Variants in XKR9 observed in about 807,000 individuals in gnomAD.
XKR9 encodes XK-related protein 9.
Under a neutral mutation model 32.0 loss-of-function variants are expected in XKR9, and 32 were observed. That is an observed-to-expected ratio of 1.00 (90% CI 0.76 to 1.34). The LOEUF is 1.34. Ranked by LOEUF, XKR9 falls within the 40% of genes most tolerant of loss-of-function variation. The pLI, the probability that XKR9 is intolerant of heterozygous loss-of-function variation, is 0.00. For synonymous variants in XKR9, 168 were observed against 143.4 expected, an observed-to-expected ratio of 1.17 and a Z score of -1.22; for missense variants, 546 against 429.7, an observed-to-expected ratio of 1.27 and a Z score of -2.39.
chr8:70,681,008 C>A lies in XKR9; in HGVS notation c.-51C>A. ...CTAATATTTGTTTGGCTTTTTTTCCCTTTTTGTGAGGGAGAAAAAAGTAGA... is the reference window on the plus strand; with the variant it reads ...CTAATATTTGTTTGGCTTTTTTTCCATTTTTGTGAGGGAGAAAAAAGTAGA... On this transcript the variant is annotated 5_prime_UTR_variant, in exon 3 of 5. Coordinates refer to ENST00000408926, the MANE Select transcript of XKR9 (RefSeq NM_001011720.2). The A allele has an allele frequency of 6.5e-7, 1 of 1,542,538 alleles. No individual in the cohort carries two copies. Among genetic ancestry groups the A allele is most frequent in the South Asian group, 1.3e-5 (1 of 78,458 alleles).
intron 2 of XKR9, among the ~76,000 whole-genome samples, chr8:70,781,436 G>A (rs1807614693): frequency 6.6e-6 from 1 of 150,738 alleles, no homozygotes; most frequent in African/African-American, 2.4e-5. Flanking sequence ...ATATTTATGG[G>A]ATACAGGGTG....
intron 2 of XKR9, among the ~76,000 whole-genome samples, chr8:70,774,801 A>T (rs962769222): frequency 2.6e-5 from 4 of 152,180 alleles, no homozygotes; most frequent in African/African-American, 4.8e-5. Flanking sequence ...AACTATAAAT[A>T]TTCAAATAAA....
chr8:70,908,234 A>G, the XKR9 span, among the ~76,000 whole-genome samples: 1 of 152,190 alleles, frequency 6.6e-6, no homozygotes, highest in African/African-American at 2.4e-5. Context: ...AATGTACCAG[A>G]TACAATGTGA....
chr8:70,903,766 G>A, the XKR9 span, among the ~76,000 whole-genome samples: 37 of 152,098 alleles, frequency 2.4e-4, no homozygotes, highest in African/African-American at 8.0e-4. Context: ...GCTTTATCTT[G>A]TGGGCATTTA....
the XKR9 span, among the ~76,000 whole-genome samples, chr8:70,911,886 AG>A: frequency 4.6e-5 from 7 of 152,144 alleles, no homozygotes; most frequent in African/African-American, 1.7e-4. Flanking sequence ...CACACAGTGC[AG>A]TAAAGGTTAT....
In XKR9 at chr8:70,778,172, G is replaced by A. The variant is rs912487096; in HGVS notation, n.353-11167G>A. On this transcript the variant is annotated intron_variant and non_coding_transcript_variant, in intron 2 of 3. Coordinates refer to the XKR9 transcript ENST00000520273. ...GATACAGTTTCAGCTTTCTACATATGGCTACCCAGTTTTCCATTTATTAAA... is the reference window on the plus strand; with the variant it reads ...GATACAGTTTCAGCTTTCTACATATAGCTACCCAGTTTTCCATTTATTAAA... 3.3e-5 allele frequency among the ~76,000 whole-genome samples: 5 copies of A among 152,236 alleles called. 1 individual carries two copies. In the South Asian group the frequency reaches 1.0e-3, roughly 32 times the overall value.
intron 2 of XKR9, among the ~76,000 whole-genome samples, chr8:70,754,988 G>A (rs949240491): frequency 1.1e-4 from 16 of 151,710 alleles, no homozygotes; most frequent in Non-Finnish European, 2.2e-4. Context: ...CCTACAAAAT[G>A]GGAGAAAATT....
chr8:70,965,644 T>G, the XKR9 span, among the ~76,000 whole-genome samples: 1 of 152,234 alleles, frequency 6.6e-6, no homozygotes, highest in East Asian at 1.9e-4. Flanking sequence ...ATTATTTGCC[T>G]ATTCAGGGAT....
At chr8:71,049,818 C>T in the XKR9 span, among the ~76,000 whole-genome samples, 1 of 151,982 alleles carries the variant, frequency 6.6e-6, no homozygotes, top group Non-Finnish European at 1.5e-5. Context: ...GCCTCCCAGG[C>T]AAGAGAAACA....
the XKR9 span, among the ~76,000 whole-genome samples, chr8:70,872,649 G>A: frequency 2.6e-5 from 4 of 152,070 alleles, no homozygotes; most frequent in African/African-American, 9.7e-5. Context: ...GTCTTGTTAG[G>A]GGCTAATGCA....
chr8:70,683,613 G>A (rs1819159715), intron 3 of XKR9: 1 of 434,444 alleles, frequency 2.3e-6, no homozygotes, highest in Non-Finnish European at 4.6e-6. Context: ...TCAGCTTCCT[G>A]AGTAGCTGGG....
chr8:70,967,797 T>C, the XKR9 span, among the ~76,000 whole-genome samples: 1 of 152,164 alleles, frequency 6.6e-6, no homozygotes, highest in East Asian at 1.9e-4. Context: ...TTTCTGCTTA[T>C]AGGTTCACTG....
At chr8:70,979,855 A>T in the XKR9 span, among the ~76,000 whole-genome samples, 3 of 152,210 alleles carry the variant, frequency 2.0e-5, no homozygotes, top group African/African-American at 7.2e-5. Flanking sequence ...GTTATGCCCT[A>T]CCCCCAAAGG....
intron 3 of XKR9, among the ~76,000 whole-genome samples, chr8:70,692,080 T>C (rs555446885): frequency 6.6e-6 from 1 of 152,302 alleles, no homozygotes; most frequent in South Asian, 2.1e-4. Context: ...CTTCTTTGAT[T>C]TCTTTGAGCA....
At chr8:71,053,929 C>G in the XKR9 span, among the ~76,000 whole-genome samples, 1 of 152,166 alleles carries the variant, frequency 6.6e-6, no homozygotes, top group African/African-American at 2.4e-5. Context: ...AATAAGTGCA[C>G]GAATCACATA....
chr8:70,820,621 G>T, the XKR9 span, among the ~76,000 whole-genome samples: 1 of 152,210 alleles, frequency 6.6e-6, no homozygotes, highest in Admixed American at 6.5e-5. Flanking sequence ...TTGACTCACA[G>T]TTCAACATGG....
At chr8:70,730,569 T>G (rs1806629722) in intron 4 of XKR9, among the ~76,000 whole-genome samples, 1 of 137,562 alleles carries the variant, frequency 7.3e-6, no homozygotes, top group African/African-American at 2.5e-5. Flanking sequence ...TTTAAAGAGA[T>G]GGTAAGCATT....
intron 2 of XKR9, among the ~76,000 whole-genome samples, chr8:70,749,999 T>A (rs1323202022): frequency 6.6e-6 from 1 of 152,176 alleles, no homozygotes; most frequent in East Asian, 1.9e-4. Context: ...TTTGGAAGTA[T>A]GTATAAATGC....
At chr8:70,754,998 T>G (rs926445908) in intron 2 of XKR9, among the ~76,000 whole-genome samples, 5 of 151,502 alleles carry the variant, frequency 3.3e-5, no homozygotes, top group Admixed American at 6.6e-5. Context: ...GGGAGAAAAT[T>G]TTTGCAACCT....
Sources: allele counts gnomAD v4.1 joint callset (sites outside exome capture counted in the v4.1 genomes callset), GRCh38; gene constraint gnomAD v4.1.1; transcripts MANE v1.5; gene names NCBI Gene and HGNC (gene_info 2026-07-23, HGNC 2026-07-21).